Variants in NVL observed in about 807,000 individuals in gnomAD.
NVL encodes the protein nuclear VCP like, also known as nuclear valosin-containing protein-like.
In NVL, 84 loss-of-function variants were observed where a neutral mutation model predicts 110.2. The observed-to-expected ratio is 0.76, with a 90% confidence interval of 0.64 to 0.91. The LOEUF is 0.91. NVL is among the 40% of genes least tolerant of loss of function. NVL has a pLI of 0.00. For synonymous variants in NVL, 354 were observed against 361.1 expected (o/e 0.98, Z 0.22); for missense variants, 882 against 1,035.9 (o/e 0.85, Z 2.04).
At chr1:224,268,183 T>C (rs762880344) in intron 17 of NVL, 50 bp from the exon 18 acceptor site, 34 of 1,266,744 alleles carry the variant, frequency 2.7e-5, no homozygotes, top group Non-Finnish European at 3.6e-5. Flanking sequence ...AAAGGAAAAA[T>C]ACCCATTTTC....
intron 4 of NVL, chr1:224,312,167 T>C (rs1669589434): frequency 5.1e-6 from 1 of 197,356 alleles, no homozygotes; most frequent in African/African-American, 2.3e-5. Context: ...GCAAAATAAA[T>C]TATAGTTATA....
chr1:224,322,072 A>T (rs1176385961), intron 2 of NVL, among the ~76,000 whole-genome samples: 2 of 151,834 alleles, frequency 1.3e-5, no homozygotes, highest in Non-Finnish European at 2.9e-5. Context: ...AAACAATCTT[A>T]GTTTAGTCTT....
At chr1:224,321,978 G>A (rs1319199461) in intron 2 of NVL, among the ~76,000 whole-genome samples, 2 of 152,114 alleles carry the variant, frequency 1.3e-5, no homozygotes, top group Non-Finnish European at 2.9e-5. Context: ...GACTGGCTGA[G>A]TAACAGTCAT....
chr1:224,267,790 T>C (rs754317305), intron 18 of NVL, among the ~76,000 whole-genome samples: 1 of 151,646 alleles, frequency 6.6e-6, no homozygotes, highest in African/African-American at 2.4e-5. Context: ...CAAGCAGTAA[T>C]ACTATACTTT....
chr1:224,309,380 A>G (rs1572031761), intron 5 of NVL, among the ~76,000 whole-genome samples: 1 of 152,012 alleles, frequency 6.6e-6, no homozygotes, highest in Non-Finnish European at 1.5e-5. Context: ...TTACCCAGGC[A>G]TGGTGGCACA....
chr1:224,275,682 T>C (rs1665694366), intron 16 of NVL, among the ~76,000 whole-genome samples: 1 of 152,206 alleles, frequency 6.6e-6, no homozygotes, highest in African/African-American at 2.4e-5. Context: ...TTAAGCCTAC[T>C]ATAAATTTCC....
At chr1:224,295,481 T>C (rs959217696) in intron 11 of NVL, among the ~76,000 whole-genome samples, 1 of 152,106 alleles carries the variant, frequency 6.6e-6, no homozygotes, top group Non-Finnish European at 1.5e-5. Flanking sequence ...ATTACAGGCA[T>C]GAGCCACTGC....
At chr1:224,326,830 T>C (rs1671192126) in intron 1 of NVL, among the ~76,000 whole-genome samples, 1 of 152,204 alleles carries the variant, frequency 6.6e-6, no homozygotes, top group African/African-American at 2.4e-5. Context: ...ATCTGTCAGA[T>C]ACTGCAGAAC....
chr1:224,237,857 G>C (rs1224753858), intron 19 of NVL, among the ~76,000 whole-genome samples: 1 of 150,898 alleles, frequency 6.6e-6, no homozygotes, highest in Admixed American at 6.6e-5. Context: ...GGGACACTGA[G>C]GCAGGAGAAT....
chr1:224,307,571 A>G (rs745341231), intron 6 of NVL, among the ~76,000 whole-genome samples: 4 of 152,076 alleles, frequency 2.6e-5, no homozygotes, highest in Admixed American at 6.6e-5. Context: ...GTGGTGGCAC[A>G]TGCCTGTAGT....
intron 17 of NVL, among the ~76,000 whole-genome samples, chr1:224,274,891 A>G (rs199951636): frequency 1.3e-5 from 2 of 152,030 alleles, no homozygotes; most frequent in Non-Finnish European, 2.9e-5. Context: ...GTCTTTTTTT[A>G]TCTTCATCAT....
chr1:224,257,109 A>G (rs1382291729), intron 18 of NVL: 1 of 530,038 alleles, frequency 1.9e-6, no homozygotes, highest in African/African-American at 1.9e-5. Context: ...AGCCTAAGAG[A>G]CAGAATTCTT....
At chr1:224,254,646 C>G (rs959229267) in intron 18 of NVL, among the ~76,000 whole-genome samples, 1 of 150,040 alleles carries the variant, frequency 6.7e-6, no homozygotes, top group Non-Finnish European at 1.5e-5. Flanking sequence ...AACTCCCAAC[C>G]TCAGGTGATC....
At chr1:224,247,819 T>C (rs1000413420) in intron 19 of NVL, among the ~76,000 whole-genome samples, 2 of 152,156 alleles carry the variant, frequency 1.3e-5, no homozygotes, top group Non-Finnish European at 2.9e-5. Flanking sequence ...CCTTGGATAA[T>C]TCTTTGTTGT....
At chr1:224,262,938 A>G (rs1011817114) in intron 18 of NVL, among the ~76,000 whole-genome samples, 2 of 152,220 alleles carry the variant, frequency 1.3e-5, no homozygotes, top group African/African-American at 4.8e-5. Context: ...GGAAGAGGAC[A>G]GATGATGTGG....
At chr1:224,246,757 C>T (rs1479492449) in intron 19 of NVL, among the ~76,000 whole-genome samples, 6 of 152,060 alleles carry the variant, frequency 3.9e-5, no homozygotes, top group East Asian at 3.9e-4. Flanking sequence ...CCAAGAAGGC[C>T]GGGCATGGTG....
chr1:224,262,328 A>G (rs543954218), intron 18 of NVL, among the ~76,000 whole-genome samples: 1 of 152,306 alleles, frequency 6.6e-6, no homozygotes, highest in Non-Finnish European at 1.5e-5. Context: ...AATCAAAATT[A>G]GGGTGGAATA....
At chr1:224,297,832 G>A (rs1668021394) in intron 10 of NVL, 1 of 152,516 alleles carries the variant, frequency 6.6e-6, no homozygotes, top group African/African-American at 2.4e-5. Context: ...TAGATCACCA[G>A]AGGTCAGAAG....
chr1:224,249,485 C>T (rs1040647626), intron 19 of NVL, among the ~76,000 whole-genome samples: 8 of 152,032 alleles, frequency 5.3e-5, no homozygotes, highest in Admixed American at 3.9e-4. Context: ...TGGCTCACGC[C>T]TGTAATCCCA....
Sources: gnomAD v4.1 joint callset for allele counts (sites outside exome capture counted in the v4.1 genomes callset) on GRCh38, gnomAD v4.1.1 for gene constraint, MANE v1.5 for transcripts, NCBI Gene and HGNC (gene_info 2026-07-23, HGNC 2026-07-21) for gene names.